C12orf42: variants seen among roughly 807,000 people sequenced by gnomAD.
The protein encoded by C12orf42 is chromosome 12 open reading frame 42.
A neutral mutation model predicts 21.6 loss-of-function variants in C12orf42; 25 were observed. The observed-to-expected ratio is 1.16, with a 90% CI of 0.84 to 1.62. The LOEUF is 1.62. Among genes scored for constraint, C12orf42 ranks in the 40% most tolerant of loss-of-function variants. The pLI is 0.00. For missense variants in C12orf42, 483 were observed against 459.3 expected (o/e 1.05, Z -0.47); for synonymous variants, 174 against 175.0 (o/e 0.99, Z 0.05).
the C12orf42 span, among the ~76,000 whole-genome samples, chr12:103,526,570 T>C: frequency 6.6e-6 from 1 of 152,184 alleles, no homozygotes; most frequent in African/African-American, 2.4e-5. Context: ...TAAGTAATTT[T>C]CCCAATACTA....
the C12orf42 span, among the ~76,000 whole-genome samples, chr12:103,064,064 G>A: frequency 7.2e-5 from 11 of 152,260 alleles, no homozygotes; most frequent in East Asian, 2.1e-3. Context: ...GTAGAGAAAA[G>A]GATCCAAAGG....
chr12:103,249,234 T>G (rs2034159545), intron 10 of C12orf42, among the ~76,000 whole-genome samples: 2 of 152,104 alleles, frequency 1.3e-5, no homozygotes, highest in African/African-American at 4.8e-5. Context: ...AAGTTTTCTT[T>G]ACTTATGTTT....
chr12:103,258,665 A>C (rs2034735304), intron 10 of C12orf42, among the ~76,000 whole-genome samples: 1 of 152,100 alleles, frequency 6.6e-6, no homozygotes, highest in Non-Finnish European at 1.5e-5. Flanking sequence ...ATCAATGACC[A>C]AAAACCTTGT....
chr12:103,275,415 C>T (rs1163196405), intron 5 of C12orf42, among the ~76,000 whole-genome samples: 1 of 152,002 alleles, frequency 6.6e-6, no homozygotes, highest in Non-Finnish European at 1.5e-5. Context: ...AACTTAAATG[C>T]ACAAACCTAT....
At chr12:103,408,247 A>C (rs2048570894) in intron 2 of C12orf42, among the ~76,000 whole-genome samples, 1 of 152,186 alleles carries the variant, frequency 6.6e-6, no homozygotes, top group African/African-American at 2.4e-5. Flanking sequence ...GGTGTAGTAC[A>C]CACCATTTTT....
At chr12:103,484,014 G>A (rs1325979204) in intron 1 of C12orf42, among the ~76,000 whole-genome samples, 1 of 152,134 alleles carries the variant, frequency 6.6e-6, no homozygotes, top group Non-Finnish European at 1.5e-5. Flanking sequence ...TGGCTGCATA[G>A]TATTCCATGG....
chr12:103,177,258 C>T, the C12orf42 span, among the ~76,000 whole-genome samples: 1 of 152,118 alleles, frequency 6.6e-6, no homozygotes, highest in Non-Finnish European at 1.5e-5. Flanking sequence ...ACACAATGGC[C>T]CTTGGATGTT....
At chr12:103,452,636 T>A (rs967860922) in intron 2 of C12orf42, among the ~76,000 whole-genome samples, 1 of 152,096 alleles carries the variant, frequency 6.6e-6, no homozygotes, top group African/African-American at 2.4e-5. Context: ...CAAATGTCCA[T>A]CAATGATAGA....
At chr12:103,358,838 A>G (rs1393490465) in intron 4 of C12orf42, among the ~76,000 whole-genome samples, 2 of 152,026 alleles carry the variant, frequency 1.3e-5, no homozygotes, top group East Asian at 3.9e-4. Context: ...CCCTACAATT[A>G]ATTATCCAGA....
the C12orf42 span, among the ~76,000 whole-genome samples, chr12:103,152,103 C>A: frequency 6.6e-6 from 1 of 152,280 alleles, no homozygotes; most frequent in East Asian, 1.9e-4. Flanking sequence ...AAAACAACAA[C>A]AACAGAGACC....
chr12:103,244,634 A>T (rs2033923838), intron 10 of C12orf42, among the ~76,000 whole-genome samples: 1 of 152,108 alleles, frequency 6.6e-6, no homozygotes, highest in Non-Finnish European at 1.5e-5. Context: ...GTTGCTATGA[A>T]CATACATAAC....
intron 2 of C12orf42, among the ~76,000 whole-genome samples, chr12:103,465,590 T>C (rs1264629468): frequency 6.6e-6 from 1 of 152,200 alleles, no homozygotes; most frequent in East Asian, 1.9e-4. Context: ...ATACTATTTC[T>C]TTCTTTCTCT....
intron 2 of C12orf42, among the ~76,000 whole-genome samples, chr12:103,439,744 A>G (rs1318097304): frequency 1.3e-5 from 2 of 152,112 alleles, no homozygotes; most frequent in African/African-American, 4.8e-5. Context: ...CAATCATTAA[A>G]AAGTCAGGAA....
chr12:103,297,760 T>C (rs1384618425), downstream of C12orf42, among the ~76,000 whole-genome samples: 2 of 150,974 alleles, frequency 1.3e-5, no homozygotes, highest in African/African-American at 2.5e-5. Context: ...TCCACCAAGA[T>C]CAAGCGGGCT....
At chr12:103,452,353 T>C (rs1030428617) in intron 2 of C12orf42, among the ~76,000 whole-genome samples, 3 of 152,150 alleles carry the variant, frequency 2.0e-5, no homozygotes, top group South Asian at 4.1e-4. Flanking sequence ...CATAAAATCA[T>C]AAATCACATA....
intron 4 of C12orf42, among the ~76,000 whole-genome samples, chr12:103,312,641 C>A (rs2039078157): frequency 6.6e-6 from 1 of 152,066 alleles, no homozygotes; most frequent in Admixed American, 6.6e-5. Context: ...ACACTTGGGG[C>A]TTTTTTGGTG....
At chr12:103,243,815 G>A (rs2033877660) in intron 10 of C12orf42, among the ~76,000 whole-genome samples, 1 of 152,182 alleles carries the variant, frequency 6.6e-6, no homozygotes, top group Non-Finnish European at 1.5e-5. Context: ...GTCCATGGCA[G>A]TGCCAGCAAG....
the C12orf42 span, among the ~76,000 whole-genome samples, chr12:103,527,862 T>C: frequency 6.6e-5 from 10 of 152,232 alleles, no homozygotes; most frequent in African/African-American, 2.4e-4. Context: ...TAAGCAAATA[T>C]CATCTCTGTT....
the C12orf42 span, among the ~76,000 whole-genome samples, chr12:103,087,414 T>C: frequency 2.0e-5 from 3 of 152,192 alleles, no homozygotes; most frequent in Non-Finnish European, 2.9e-5. Flanking sequence ...AGAAGAGACA[T>C]CCACTTTGGA....
Sources: allele counts gnomAD v4.1 joint callset (sites outside exome capture counted in the v4.1 genomes callset), GRCh38; gene constraint gnomAD v4.1.1; transcripts MANE v1.5; gene names NCBI Gene and HGNC (gene_info 2026-07-23, HGNC 2026-07-21).